The following PDZD2 variants were observed in gnomAD, a reference collection of about 807,000 sequenced individuals.
PDZD2 encodes the protein PDZ domain containing 2.
In PDZD2, 90 loss-of-function variants were observed where a neutral mutation model predicts 220.7. That is an observed-to-expected ratio of 0.41 (90% CI 0.34 to 0.49). The LOEUF is 0.49. PDZD2 is among the 20% of genes least tolerant of loss of function. The pLI, the probability that PDZD2 is intolerant of heterozygous loss-of-function variation, is 0.28. For synonymous variants in PDZD2, 1,375 were observed against 1,450.5 expected (o/e 0.95, Z 1.18); for missense variants, 3,174 against 3,608.5 (o/e 0.88, Z 3.08).
Position 32,000,122 on chromosome 5 carries a change from C to T in PDZD2, c.1122-17C>T. On this transcript the variant is annotated splice_polypyrimidine_tract_variant and intron_variant, in intron 4 of 24. Coordinates refer to ENST00000438447, the MANE Select transcript of PDZD2 (RefSeq NM_178140.4). This position sits in a 1 kb window ranked among gnomAD's most constrained non-coding sequence, Gnocchi z 4.5. ...ATGTCTTGACAAGGGATCTTTTTCC[C>T]ATCTCCCTTTCCTCAGGGATGGCAG... 6.2e-7 allele frequency: 1 copy of T among 1,612,662 alleles called. No homozygotes were observed. Among genetic ancestry groups the T allele is most frequent in the Non-Finnish European group, 8.5e-7 (1 of 1,178,952 alleles).
rs542395667 is a variant in PDZD2, at chr5:31,980,860, T to G, written c.477-2295T>G. 2.5e-3 allele frequency among the ~76,000 whole-genome samples: 388 copies of G among 152,342 alleles called. 1 individual carries two copies. Among genetic ancestry groups the G allele is most frequent in the Non-Finnish European group, 4.0e-3 (275 of 68,024 alleles). ...GTGCAGTGGCGCGATCTCAGCTCAC[T>G]GCAACCTCTGCCTTTCGGGTTCAAG... On this transcript the variant is annotated intron_variant, in intron 2 of 24. Transcript: ENST00000438447.
At position 31,894,505 on chromosome 5, in the gene PDZD2, C is replaced by T. The variant is rs1398025497; in HGVS notation, c.477-88650C>T. Reference sequence around the variant, plus strand: ...TTTATGTATTGCACTAATTTAAGATCAGAATTACTTTAAAAAAATAATCTT... The same window carrying T: ...TTTATGTATTGCACTAATTTAAGATTAGAATTACTTTAAAAAAATAATCTT... On this transcript the variant is annotated intron_variant, in intron 2 of 24. Coordinates refer to ENST00000438447, the MANE Select transcript of PDZD2 (RefSeq NM_178140.4). Among the ~76,000 whole-genome samples, 3 of 152,080 alleles carry T rather than the reference C, an allele frequency of 2.0e-5. No individual in the cohort carries two copies. In the East Asian group the frequency reaches 5.8e-4, roughly 29 times the overall value.
chr5:31,979,250 G>A (rs1051893434), intron 2 of PDZD2, among the ~76,000 whole-genome samples: 4 of 152,142 alleles, frequency 2.6e-5, no homozygotes, highest in African/African-American at 9.7e-5. Context: ...AAATGTTTCA[G>A]AGGCCTAAGA....
intron 1 of PDZD2, among the ~76,000 whole-genome samples, chr5:31,790,610 A>T (rs2150219714): frequency 6.7e-6 from 1 of 148,896 alleles, no homozygotes; most frequent in Middle Eastern, 3.5e-3. Flanking sequence ...TTTTTAAGGT[A>T]TCTAGTCTGT....
At chr5:31,761,251 G>A (rs1205828779) in intron 1 of PDZD2, among the ~76,000 whole-genome samples, 3 of 152,164 alleles carry the variant, frequency 2.0e-5, no homozygotes, top group African/African-American at 7.2e-5. Flanking sequence ...AATAACAAGG[G>A]CAGCAGCGTT....
chr5:31,762,106 C>T (rs1015570116), intron 1 of PDZD2, among the ~76,000 whole-genome samples: 6 of 152,284 alleles, frequency 3.9e-5, no homozygotes, highest in Non-Finnish European at 5.9e-5. Flanking sequence ...ACCATTCATG[C>T]GAACTCCACC....
intron 2 of PDZD2, among the ~76,000 whole-genome samples, chr5:31,891,639 G>A (rs1457041586): frequency 7.8e-6 from 1 of 127,864 alleles, no homozygotes; most frequent in Non-Finnish European, 1.8e-5. Flanking sequence ...TAAGGGCACT[G>A]GAGAAGTGGC....
intron 5 of PDZD2, among the ~76,000 whole-genome samples, chr5:32,002,722 A>G (rs1303905978): frequency 9.9e-6 from 1 of 101,330 alleles, no homozygotes; most frequent in Admixed American, 1.1e-4. Flanking sequence ...CACCCCACAC[A>G]CCAACACACA....
chr5:32,035,980 G>C (rs958421104), intron 6 of PDZD2, among the ~76,000 whole-genome samples: 3 of 152,136 alleles, frequency 2.0e-5, no homozygotes, highest in African/African-American at 7.2e-5. Flanking sequence ...GTCTCGCTCT[G>C]TCGCCCAGGC....
intron 2 of PDZD2, among the ~76,000 whole-genome samples, chr5:31,877,837 A>C (rs1739448769): frequency 6.6e-6 from 1 of 152,074 alleles, no homozygotes; most frequent in Non-Finnish European, 1.5e-5. Flanking sequence ...TTACAGGTGC[A>C]CACCATCGCA....
intron 1 of PDZD2, among the ~76,000 whole-genome samples, chr5:31,656,298 T>C (rs1207725548): frequency 1.3e-5 from 2 of 152,212 alleles, no homozygotes; most frequent in Non-Finnish European, 2.9e-5. Flanking sequence ...TTGAAAAGCC[T>C]TCCCCGCCTT....
rs551760542 is a variant in PDZD2 at position 31,781,564 on chromosome 5, A to C, written c.-360-17325A>C. On this transcript the variant is annotated intron_variant, in intron 1 of 24. Transcript: ENST00000438447. ...CGCCAACTCTATACTTCAATGTGTTAGCTGCTTAAATTCATTCAAATAAAG... is the reference window on the plus strand; with the variant it reads ...CGCCAACTCTATACTTCAATGTGTTCGCTGCTTAAATTCATTCAAATAAAG... 1.1e-4 allele frequency among the ~76,000 whole-genome samples: 17 copies of C among 152,354 alleles called. 1 individual carries two copies. Among genetic ancestry groups the C allele is most frequent in the African/African-American group, 3.6e-4 (15 of 41,572 alleles).
intron 2 of PDZD2, among the ~76,000 whole-genome samples, chr5:31,813,601 T>C (rs1755260971): frequency 1.3e-5 from 2 of 152,148 alleles, no homozygotes; most frequent in Admixed American, 1.3e-4. Context: ...TTGAGGGTTT[T>C]TAAAAACATA....
intron 2 of PDZD2, among the ~76,000 whole-genome samples, chr5:31,946,190 A>G (rs572699895): frequency 5.5e-4 from 84 of 152,294 alleles, no homozygotes; most frequent in African/African-American, 1.8e-3. Flanking sequence ...TTTAGTAGAG[A>G]TGGGGTTTCA....
chr5:31,951,068 CTTTT>C (rs1747134503), intron 2 of PDZD2, among the ~76,000 whole-genome samples: 3 of 151,944 alleles, frequency 2.0e-5, no homozygotes, highest in African/African-American at 7.3e-5. Context: ...CTTGTTCTTT[CTTTT>C]CTTTTCTTTT....
At chr5:31,720,094 T>C (rs142430974) in intron 1 of PDZD2, among the ~76,000 whole-genome samples, 1 of 152,334 alleles carries the variant, frequency 6.6e-6, no homozygotes, top group Non-Finnish European at 1.5e-5. Flanking sequence ...TCAGCTGTTG[T>C]CTCCTGAAGT....
chr5:32,085,326 A>G (rs1742340220), intron 19 of PDZD2, among the ~76,000 whole-genome samples: 3 of 149,672 alleles, frequency 2.0e-5, no homozygotes, highest in Admixed American at 1.3e-4. Context: ...GTACATATAT[A>G]CATTGTGCAA....
chr5:31,897,077 GT>G (rs796616414), intron 2 of PDZD2, among the ~76,000 whole-genome samples: 4,585 of 147,214 alleles, frequency 0.031, 230 homozygotes, highest in African/African-American at 0.11. Flanking sequence ...GATCTGGTGA[GT>G]TTTTTTTTTT....
intron 1 of PDZD2, among the ~76,000 whole-genome samples, chr5:31,654,489 C>T (rs368414978): frequency 6.6e-6 from 1 of 151,940 alleles, no homozygotes; most frequent in African/African-American, 2.4e-5. Context: ...AAATGTTATC[C>T]GTAAGCCGAG....
Sources: allele counts gnomAD v4.1 joint callset (sites outside exome capture counted in the v4.1 genomes callset), GRCh38; gene constraint gnomAD v4.1.1; non-coding constraint Gnocchi (gnomAD v3.1); transcripts MANE v1.5; gene names NCBI Gene and HGNC (gene_info 2026-07-23, HGNC 2026-07-21).